The following DOCK8 variants were observed in gnomAD, a reference collection of about 807,000 sequenced individuals.
DOCK8 encodes the protein dedicator of cytokinesis protein 8.
In DOCK8, 141 loss-of-function variants were observed where a neutral mutation model predicts 245.6. The observed-to-expected ratio is 0.57, with a 90% CI of 0.50 to 0.66. The LOEUF (loss-of-function observed/expected upper bound fraction) is 0.66. Ranked by LOEUF, DOCK8 falls within the 30% of genes least tolerant of loss-of-function variation. The pLI, the probability that DOCK8 is intolerant of heterozygous loss-of-function variation, is 0.00. For synonymous variants in DOCK8, 1,168 were observed against 970.2 expected (o/e 1.20, Z -3.79); for missense variants, 2,965 against 2,603.4 (o/e 1.14, Z -3.02).
intron 25 of DOCK8, among the ~76,000 whole-genome samples, chr9:398,456 A>G (rs2054567577): frequency 6.6e-6 from 1 of 152,360 alleles, no homozygotes; most frequent in African/African-American, 2.4e-5. Context: ...CATTCTGAGA[A>G]TAAAGGACAT....
chr9:419,173 G>A (rs1357529950), intron 30 of DOCK8, among the ~76,000 whole-genome samples: 1 of 152,228 alleles, frequency 6.6e-6, no homozygotes, highest in Non-Finnish European at 1.5e-5. Context: ...TAGATGTGCA[G>A]AGAATTTAAC....
At chr9:334,528 T>C (rs2051216306) in intron 11 of DOCK8, 144 bp downstream of exon 11, 1 of 854,766 alleles carries the variant, frequency 1.2e-6, no homozygotes, top group South Asian at 1.8e-5. Context: ...AACACTGTTA[T>C]GACTGGATTA....
At chr9:456,042 CTA>C (rs1257317739) in intron 46 of DOCK8, among the ~76,000 whole-genome samples, 1 of 152,186 alleles carries the variant, frequency 6.6e-6, no homozygotes, top group Non-Finnish European at 1.5e-5. Context: ...TTATTCATCT[CTA>C]TGTGCAAACA....
chr9:438,382 T>G (rs1329787786), intron 39 of DOCK8, among the ~76,000 whole-genome samples: 1 of 152,246 alleles, frequency 6.6e-6, no homozygotes, highest in African/African-American at 2.4e-5. Flanking sequence ...GTGTGCCACC[T>G]GTTTGTAATC....
chr9:319,106 G>C (rs2050471615), intron 7 of DOCK8, among the ~76,000 whole-genome samples: 1 of 152,074 alleles, frequency 6.6e-6, no homozygotes, highest in South Asian at 2.1e-4. Flanking sequence ...AGGCCGGCCT[G>C]GGCAATATAG....
At position 286,451 on chromosome 9, in the gene DOCK8, G is replaced by GC. The variant is rs1475604603; in HGVS notation, c.157-6dup. 2 of 1,613,334 alleles carry GC rather than the reference G, an allele frequency of 1.2e-6. No homozygotes were observed. Among genetic ancestry groups the GC allele is most frequent in the Non-Finnish European group, 1.7e-6 (2 of 1,179,678 alleles). On this transcript the variant is annotated splice_polypyrimidine_tract_variant and intron_variant, in intron 2 of 47. Transcript: ENST00000432829. The stretch of plus-strand genomic sequence containing the variant: ...TGAGAACCTCCTTTTCCTTTTCCCT[G>GC]CCCCTCCAGCCTCAGTTTTATGACC...
intron 1 of DOCK8, among the ~76,000 whole-genome samples, chr9:255,608 C>A (rs139054671): frequency 0.032 from 4,206 of 132,694 alleles, 180 homozygotes; most frequent in African/African-American, 0.11. Context: ...GTGGAGGTTG[C>A]AGTGAGCCGA....
At chr9:333,386 G>A (rs202189520) in intron 10 of DOCK8, among the ~76,000 whole-genome samples, 12 of 152,212 alleles carry the variant, frequency 7.9e-5, no homozygotes, top group South Asian at 4.1e-4. Context: ...CAGATCATGA[G>A]GTCAGAAGAT....
intron 15 of DOCK8, chr9:368,577 G>C: frequency 3.2e-6 from 1 of 313,468 alleles, no homozygotes; most frequent in Non-Finnish European, 6.0e-6. Flanking sequence ...ACAAAGTACC[G>C]CCTAGTAATT....
At chr9:307,353 TTTTTTTTTTTTTTTTTTTTTTTTG>T (rs2049889989) in intron 5 of DOCK8, among the ~76,000 whole-genome samples, 1 of 85,482 alleles carries the variant, frequency 1.2e-5, no homozygotes, top group Non-Finnish European at 2.6e-5. Flanking sequence ...TTTTTTTTTT[TTTTTTTTTTTTTTTTTTTTTTTTG>T]AGATGGAGTT....
chr9:461,527 A>ATTT lies in DOCK8; in HGVS notation c.6069-1963_6069-1961dup, dbSNP rs530827485. Among the ~76,000 whole-genome samples the ATTT allele has an allele frequency of 2.0e-3, 135 of 67,286 alleles. 30 individuals carry two copies. The highest frequency in any genetic ancestry group is 7.7e-3 in the African/African-American group (111 of 14,470). 44.1% of individuals were successfully genotyped at this position (67,286 alleles called of 152,430 possible). On this transcript the variant is annotated intron_variant, in intron 46 of 47. Coordinates refer to ENST00000432829, the MANE Select transcript of DOCK8 (RefSeq NM_203447.4). ...GAGTTTTTTGTCTTTTAGCAACTGC[A>ATTT]TTTTTTTTTTTTTTTTTTTTTTTTT...
intron 26 of DOCK8, among the ~76,000 whole-genome samples, chr9:400,979 ACCACCT>A (rs1419753169): frequency 8.1e-6 from 1 of 123,194 alleles, no homozygotes; most frequent in African/African-American, 2.7e-5. Flanking sequence ...CTCCACCATC[ACCACCT>A]CCTCCACCAC....
chr9:222,135 T>A (rs1002964832), intron 1 of DOCK8, among the ~76,000 whole-genome samples: 6 of 151,822 alleles, frequency 4.0e-5, no homozygotes, highest in African/African-American at 1.5e-4. Flanking sequence ...GGGTGGTGCA[T>A]GCCTGTGGTC....
intron 26 of DOCK8, among the ~76,000 whole-genome samples, chr9:400,235 TCACCACCACCTC>T (rs2054792110): frequency 6.0e-5 from 1 of 16,606 alleles, no homozygotes; most frequent in Non-Finnish European, 1.1e-4. Flanking sequence ...ACCTCCACCA[TCACCACCACCTC>T]CACCATCACC....
intron 2 of DOCK8, among the ~76,000 whole-genome samples, chr9:276,187 G>A (rs942301763): frequency 4.8e-5 from 7 of 146,136 alleles, no homozygotes; most frequent in East Asian, 3.9e-4. Flanking sequence ...CACTGCGCTC[G>A]GCCCATTTAA....
chr9:443,410 T>A lies in DOCK8; in HGVS notation c.5491-17T>A. 1 of 1,609,962 alleles carries A rather than the reference T, an allele frequency of 6.2e-7. No homozygotes were observed. Among genetic ancestry groups the A allele is most frequent in the African/African-American group, 1.3e-5 (1 of 74,968 alleles). On this transcript the variant is annotated splice_polypyrimidine_tract_variant and intron_variant, in intron 42 of 47. Transcript: ENST00000432829. ...TGTTAAAATAACCTTTATAAACTGTTGGTTCTTCTTACCTAGGCATTTTAT... is the reference window on the plus strand; with the variant it reads ...TGTTAAAATAACCTTTATAAACTGTAGGTTCTTCTTACCTAGGCATTTTAT...
At chr9:226,073 G>A (rs1215699974) in intron 1 of DOCK8, among the ~76,000 whole-genome samples, 1 of 152,190 alleles carries the variant, frequency 6.6e-6, no homozygotes, top group East Asian at 1.9e-4. Flanking sequence ...ATACTGCTAT[G>A]AAGAAATACC....
chr9:347,168 C>A (rs529430805), intron 14 of DOCK8, among the ~76,000 whole-genome samples: 48 of 152,240 alleles, frequency 3.2e-4, no homozygotes, highest in African/African-American at 1.1e-3. Flanking sequence ...GGAAGGGAAG[C>A]TTCCACCAAC....
intron 26 of DOCK8, among the ~76,000 whole-genome samples, chr9:399,911 GCTA>G (rs1564010976): frequency 1.3e-5 from 2 of 151,224 alleles, no homozygotes; most frequent in Non-Finnish European, 1.5e-5. Context: ...CATCATTACT[GCTA>G]CTACTACCAC....
Sources: allele counts gnomAD v4.1 joint callset (sites outside exome capture counted in the v4.1 genomes callset), GRCh38; gene constraint gnomAD v4.1.1; transcripts MANE v1.5; gene names NCBI Gene and HGNC (gene_info 2026-07-23, HGNC 2026-07-21).